KIAA0319L: variants seen among roughly 807,000 people sequenced by gnomAD.
KIAA0319L encodes KIAA0319 like, also known as dyslexia-associated protein KIAA0319-like protein.
In KIAA0319L, 55 loss-of-function variants were observed where a neutral mutation model predicts 120.1. The observed-to-expected ratio is 0.46, with a 90% confidence interval of 0.37 to 0.57. KIAA0319L has a LOEUF of 0.57. Ranked by LOEUF, KIAA0319L falls within the 20% of genes least tolerant of loss-of-function variation. The pLI, the probability that KIAA0319L is intolerant of heterozygous loss-of-function variation, is 0.00. For synonymous variants in KIAA0319L, 398 were observed against 471.9 expected, an observed-to-expected ratio of 0.84 and a Z score of 2.03; for missense variants, 1,049 against 1,255.3, an observed-to-expected ratio of 0.84 and a Z score of 2.48.
At position 35,506,951 on chromosome 1, in the gene KIAA0319L, G is replaced by GT; in HGVS notation, c.326dup (p.Asp109GlufsTer12). The GT allele has an allele frequency of 1.2e-6, 2 of 1,613,904 alleles. No homozygotes were observed. The highest frequency in any genetic ancestry group is 1.7e-6 in the Non-Finnish European group (2 of 1,179,944). On this transcript the variant is annotated frameshift_variant, in exon 3 of 21. Coordinates refer to ENST00000325722, the MANE Select transcript of KIAA0319L (RefSeq NM_024874.5). LOFTEE classifies it high-confidence loss of function. This position sits in a 1 kb window ranked among gnomAD's most constrained non-coding sequence, Gnocchi z 4.0. The stretch of plus-strand genomic sequence containing the variant: ...CCCGGCAGCTCTGGGGCCTGCTGCA[G>GT]TCTGCCTGAATGCACATCCCTTCTA...
chr1:35,520,007 A>G (rs915740127), intron 2 of KIAA0319L, among the ~76,000 whole-genome samples: 1 of 152,218 alleles, frequency 6.6e-6, no homozygotes, highest in Non-Finnish European at 1.5e-5. Context: ...CTCCATTCTT[A>G]TCAGCAGTGG....
Position 35,479,228 on chromosome 1 carries a change from A to C in KIAA0319L, c.667-16T>G. 1 of 1,602,080 alleles carries C rather than the reference A, an allele frequency of 6.2e-7. No homozygotes were observed. The highest frequency in any genetic ancestry group is 8.5e-7 in the Non-Finnish European group (1 of 1,171,814). ...CCTTGTGGACCTAAAGAAATAAAAA[A>C]ACTAATTTGAGTAGGTAAAAGTTAC... On this transcript the variant is annotated splice_polypyrimidine_tract_variant and intron_variant, in intron 3 of 20. Coordinates refer to ENST00000325722, the MANE Select transcript of KIAA0319L (RefSeq NM_024874.5).
intron 3 of KIAA0319L, among the ~76,000 whole-genome samples, chr1:35,493,504 C>T (rs1644679175): frequency 6.6e-6 from 1 of 151,942 alleles, no homozygotes; most frequent in African/African-American, 2.4e-5. Flanking sequence ...TTTAGAATTA[C>T]AGATAAACCT....
intron 2 of KIAA0319L, among the ~76,000 whole-genome samples, chr1:35,530,777 G>A (rs994716631): frequency 6.6e-6 from 1 of 152,068 alleles, no homozygotes; most frequent in Non-Finnish European, 1.5e-5. Context: ...GGTTGGGTAG[G>A]GCACTTTGGC....
chr1:35,510,532 G>C (rs1645390708), intron 2 of KIAA0319L: 1 of 151,960 alleles, frequency 6.6e-6, no homozygotes, highest in Non-Finnish European at 1.5e-5. Flanking sequence ...TGTTCAGAAG[G>C]CAGTCGTTAC....
chr1:35,555,109 C>T (rs1020890818), intron 1 of KIAA0319L: 2 of 152,212 alleles, frequency 1.3e-5, no homozygotes, highest in Non-Finnish European at 2.9e-5. Context: ...TCAACAGATA[C>T]TTACGTCAGG....
At position 35,474,925 on chromosome 1, in the gene KIAA0319L, T is replaced by C. The variant is rs371978060; in HGVS notation, c.914-19A>G. 4.5e-6 allele frequency: 6 copies of C among 1,319,082 alleles called. No individual in the cohort carries two copies. The highest frequency in any genetic ancestry group is 4.4e-5 in the African/African-American group (3 of 68,750). 81.7% of individuals were successfully genotyped at this position (1,319,082 alleles called of 1,614,324 possible). On this transcript the variant is annotated intron_variant, in intron 4 of 20. Coordinates refer to ENST00000325722, the MANE Select transcript of KIAA0319L (RefSeq NM_024874.5). Reference sequence around the variant, plus strand: ...TTTATAACTGGAAACAAAGTAAATATACCAGAGATAAGAAATAGATCCAGA... The same window carrying C: ...TTTATAACTGGAAACAAAGTAAATACACCAGAGATAAGAAATAGATCCAGA...
At chr1:35,444,376 T>C (rs566783013) in intron 16 of KIAA0319L, 73 bp from the exon 17 acceptor site, 13 of 1,395,348 alleles carry the variant, frequency 9.3e-6, no homozygotes, top group African/African-American at 1.5e-5. Flanking sequence ...ATTTACTAAG[T>C]ACCTTCTGTT....
chr1:35,502,445 A>G (rs1645044960), intron 3 of KIAA0319L, among the ~76,000 whole-genome samples: 1 of 151,914 alleles, frequency 6.6e-6, no homozygotes, highest in African/African-American at 2.4e-5. Context: ...CATCATCATC[A>G]TCATCATCAT....
At chr1:35,460,790 A>G (rs1331111585) in intron 8 of KIAA0319L, among the ~76,000 whole-genome samples, 1 of 152,224 alleles carries the variant, frequency 6.6e-6, no homozygotes. Context: ...TTAACCTACA[A>G]AATTGGTAAA....
rs527641697 is a variant in KIAA0319L, at chr1:35,523,564, G to A, written c.143-16429C>T. Among the ~76,000 whole-genome samples the A allele has an allele frequency of 9.7e-4, 147 of 152,294 alleles. 1 individual carries two copies. Among genetic ancestry groups the A allele is most frequent in the Middle Eastern group, 3.4e-3 (1 of 294 alleles). ...CTTTGAAAGGAGATGAGGCCCATATGCTACAATAAATGAGGGTGGTAAATG... is the reference window on the plus strand; with the variant it reads ...CTTTGAAAGGAGATGAGGCCCATATACTACAATAAATGAGGGTGGTAAATG... On this transcript the variant is annotated intron_variant, in intron 2 of 20. Coordinates refer to ENST00000325722, the MANE Select transcript of KIAA0319L (RefSeq NM_024874.5).
At chr1:35,459,643 T>A (rs1642750414) in intron 9 of KIAA0319L, among the ~76,000 whole-genome samples, 2 of 152,008 alleles carry the variant, frequency 1.3e-5, no homozygotes, top group African/African-American at 4.8e-5. Flanking sequence ...CTGTGAGACT[T>A]CAGAGAAGCC....
In KIAA0319L at chr1:35,506,724, T is replaced by A; in HGVS notation, c.554A>T (p.Lys185Met). The change falls in exon 3 of 21, where the codon AAG becomes ATG. Residue 185 changes from lysine to methionine, a missense_variant. Lys to Met is a moderately conservative substitution (Grantham distance 95). Coordinates refer to ENST00000325722, the MANE Select transcript of KIAA0319L (RefSeq NM_024874.5). This position sits in a 1 kb window ranked among gnomAD's most constrained non-coding sequence, Gnocchi z 4.0. ...ACTGGGACTACCTCTCTTCTGAAGC[T>A]TCCTGATTAAGCTCTGCTGGTCACT... ...SSSDQQSLIR[K>M]LQKRGSPSDV... 1 of 1,614,208 alleles carries A rather than the reference T, an allele frequency of 6.2e-7. No individual in the cohort carries two copies. The highest frequency in any genetic ancestry group is 8.5e-7 in the Non-Finnish European group (1 of 1,180,028).
intron 11 of KIAA0319L, 157 bp downstream of exon 11, chr1:35,454,205 A>G (rs1642269985): frequency 1.5e-6 from 1 of 669,164 alleles, no homozygotes; most frequent in Non-Finnish European, 2.5e-6. Flanking sequence ...AGCTATGAAG[A>G]AAGCACAAGG....
intron 2 of KIAA0319L, among the ~76,000 whole-genome samples, chr1:35,509,407 T>C (rs1179882191): frequency 1.3e-5 from 2 of 152,200 alleles, no homozygotes; most frequent in African/African-American, 4.8e-5. Context: ...TAGAGGGACA[T>C]TCGTAATTTT....
At chr1:35,557,587 G>C (rs1334976173), upstream of KIAA0319L, 1 of 425,064 alleles carries the variant, frequency 2.4e-6, no homozygotes, top group Non-Finnish European at 4.7e-6. Context: ...CTCGCCGCCC[G>C]CTCTCCAGAG....
intron 3 of KIAA0319L, among the ~76,000 whole-genome samples, chr1:35,486,378 A>AT (rs1644386982): frequency 8.1e-6 from 1 of 122,846 alleles, no homozygotes; most frequent in African/African-American, 4.4e-5. Context: ...TGTCTCAAGA[A>AT]AAAAAAAAAA....
intron 3 of KIAA0319L, among the ~76,000 whole-genome samples, chr1:35,482,119 C>G (rs564116096): frequency 1.3e-5 from 2 of 151,930 alleles, no homozygotes; most frequent in East Asian, 3.9e-4. Flanking sequence ...CCACCACGCC[C>G]GGCCTGCTTT....
In KIAA0319L at chr1:35,557,308, A is replaced by T. The variant is rs1323440358; in HGVS notation, c.-130T>A. ...CCCAACCTTCGCTCCCCTCACCCGG[A>T]GGAGGAGGAGGAAGAGGAAGAAGGT... On this transcript the variant is annotated 5_prime_UTR_variant, in exon 1 of 21. Coordinates refer to ENST00000325722, the MANE Select transcript of KIAA0319L (RefSeq NM_024874.5). 3 of 142,180 alleles carry T rather than the reference A, an allele frequency of 2.1e-5. No homozygotes were observed. In the African/African-American group the frequency reaches 4.7e-4, roughly 22 times the overall value. The allele number at this position is 142,180 out of a possible 1,614,324, so 8.8% of individuals were successfully genotyped here.
Sources: gnomAD v4.1 joint callset for allele counts (sites outside exome capture counted in the v4.1 genomes callset) on GRCh38, gnomAD v4.1.1 for gene constraint, Gnocchi (gnomAD v3.1) non-coding constraint, MANE v1.5 for transcripts, NCBI Gene and HGNC (gene_info 2026-07-23, HGNC 2026-07-21) for gene names.